Variants in CRADD observed in about 807,000 individuals in gnomAD.
CRADD encodes the protein death domain-containing protein CRADD.
CRADD carries 9 observed loss-of-function variants against 15.5 expected under a neutral mutation model. The observed-to-expected ratio is 0.58, with a 90% confidence interval of 0.35 to 1.01. The LOEUF (loss-of-function observed/expected upper bound fraction) is 1.01. CRADD is among the 50% of genes least tolerant of loss of function. The pLI is 0.02. For synonymous variants in CRADD, 118 were observed against 107.6 expected (o/e 1.10, Z -0.60); for missense variants, 227 against 250.3 (o/e 0.91, Z 0.63).
intron 2 of CRADD, among the ~76,000 whole-genome samples, chr12:93,839,202 T>C (rs573899549): frequency 6.6e-6 from 1 of 152,320 alleles, no homozygotes; most frequent in Admixed American, 6.5e-5. Context: ...TGTATTTCTA[T>C]ATCTCTTCCC....
intron 2 of CRADD, among the ~76,000 whole-genome samples, chr12:93,697,335 C>T (rs764491461): frequency 2.5e-4 from 38 of 152,298 alleles, no homozygotes; most frequent in South Asian, 8.3e-4. Context: ...CATTCTGCTG[C>T]GGGAGGACAC....
chr12:93,807,980 G>GAAAAAAAA (rs1957561294), intron 2 of CRADD, among the ~76,000 whole-genome samples: 1 of 12,322 alleles, frequency 8.1e-5, no homozygotes, highest in African/African-American at 2.8e-4. Flanking sequence ...TAAGTGTTAT[G>GAAAAAAAA]CAAAAAAAAA....
chr12:93,811,082 G>T lies in CRADD; in HGVS notation c.299-38888G>T, dbSNP rs558131337. 7.1e-4 allele frequency among the ~76,000 whole-genome samples: 108 copies of T among 152,236 alleles called. 2 individuals are homozygous for T. Among genetic ancestry groups the T allele is most frequent in the Admixed American group, 1.0e-3 (16 of 15,292 alleles). On this transcript the variant is annotated intron_variant, in intron 2 of 2. Transcript: ENST00000332896. ...CTCCTGGAACAGCCGGCTGCTGGTG[G>T]TCTAGTTTTTTGAAAGAAGCCCTGA...
chr12:93,847,202 A>G (rs1477589763), intron 2 of CRADD, among the ~76,000 whole-genome samples: 1 of 152,168 alleles, frequency 6.6e-6, no homozygotes, highest in Non-Finnish European at 1.5e-5. Flanking sequence ...TCAGACAGGA[A>G]AAGCAAGTTA....
chr12:93,763,723 A>C (rs895610765), intron 2 of CRADD, among the ~76,000 whole-genome samples: 1 of 152,098 alleles, frequency 6.6e-6, no homozygotes, highest in Non-Finnish European at 1.5e-5. Context: ...CAACATTTTT[A>C]TTAGTGTGCA....
chr12:93,877,034 C>T (rs1474290853), intron 2 of CRADD, among the ~76,000 whole-genome samples: 1 of 129,650 alleles, frequency 7.7e-6, no homozygotes, highest in Admixed American at 7.5e-5. Context: ...CTGGGCACCC[C>T]AAGCCCAGTA....
intron 2 of CRADD, among the ~76,000 whole-genome samples, chr12:93,818,058 C>T (rs929393754): frequency 7.2e-5 from 11 of 152,124 alleles, no homozygotes; most frequent in Middle Eastern, 3.4e-3. Context: ...AGATCAGGCT[C>T]GGAAAAGAGA....
At chr12:93,782,727 CTGTT>C (rs1183087259) in intron 2 of CRADD, among the ~76,000 whole-genome samples, 1 of 151,714 alleles carries the variant, frequency 6.6e-6, no homozygotes, top group Non-Finnish European at 1.5e-5. Flanking sequence ...AAAACATACT[CTGTT>C]TATTACATGT....
chr12:93,807,653 G>C (rs1957554942), intron 2 of CRADD, among the ~76,000 whole-genome samples: 1 of 152,104 alleles, frequency 6.6e-6, no homozygotes, highest in Non-Finnish European at 1.5e-5. Context: ...TCTATGAGAG[G>C]TAGAGATAAA....
intron 2 of CRADD, among the ~76,000 whole-genome samples, chr12:93,782,074 C>T (rs1035415148): frequency 2.0e-5 from 3 of 151,938 alleles, no homozygotes; most frequent in African/African-American, 7.3e-5. Flanking sequence ...TTCACAATAG[C>T]AAAGACTTGG....
intron 2 of CRADD, among the ~76,000 whole-genome samples, chr12:93,875,987 A>T (rs930845884): frequency 1.1e-4 from 17 of 152,136 alleles, no homozygotes; most frequent in African/African-American, 4.1e-4. Context: ...CTTATAGGAC[A>T]GGTCTGGTGT....
At chr12:93,827,022 G>A (rs1957831421) in intron 2 of CRADD, among the ~76,000 whole-genome samples, 1 of 152,094 alleles carries the variant, frequency 6.6e-6, no homozygotes, top group South Asian at 2.1e-4. Context: ...TGGGGCCAGG[G>A]ACAAGAAGGG....
chr12:93,731,143 G>C (rs1446279582), intron 2 of CRADD, among the ~76,000 whole-genome samples: 1 of 152,184 alleles, frequency 6.6e-6, no homozygotes, highest in African/African-American at 2.4e-5. Flanking sequence ...AAAAAGTCTG[G>C]GGAGGCTGTG....
At chr12:93,852,034 T>G (rs1958228592), downstream of CRADD, among the ~76,000 whole-genome samples, 1 of 152,218 alleles carries the variant, frequency 6.6e-6, no homozygotes, top group Non-Finnish European at 1.5e-5. Context: ...CAGTTCAAAT[T>G]TTTCATTTTG....
intron 2 of CRADD, among the ~76,000 whole-genome samples, chr12:93,807,390 G>A (rs1957551323): frequency 6.6e-6 from 1 of 152,104 alleles, no homozygotes; most frequent in South Asian, 2.1e-4. Flanking sequence ...TCTGGTAGAG[G>A]TAGAGGAGCT....
intron 2 of CRADD, among the ~76,000 whole-genome samples, chr12:93,855,942 C>T (rs929330111): frequency 2.0e-5 from 3 of 152,166 alleles, no homozygotes; most frequent in African/African-American, 4.8e-5. Flanking sequence ...CTCAGCCTCC[C>T]GACTACAGGT....
At chr12:93,690,602 T>G (rs1338894089) in intron 2 of CRADD, among the ~76,000 whole-genome samples, 1 of 152,248 alleles carries the variant, frequency 6.6e-6, no homozygotes, top group East Asian at 1.9e-4. Flanking sequence ...TAAACTCACT[T>G]TATTATCATA....
At chr12:93,894,494 T>C (rs780925372) in exon 3 of CRADD, 3 of 209,492 alleles carry the variant, frequency 1.4e-5, no homozygotes, top group Non-Finnish European at 3.0e-5. Flanking sequence ...GCTTGGCCTC[T>C]CTCCTGTGGC....
rs77595720 is a variant in CRADD at position 93,786,793 on chromosome 12, A to G, written c.299-63177A>G. ...CGAGACATCATTTTCTCCTTAGGAC[A>G]AAAGTCTAGTGAGTAATGGCCCTTC... On this transcript the variant is annotated intron_variant, in intron 2 of 2. Transcript: ENST00000332896. Among the ~76,000 whole-genome samples the G allele has an allele frequency of 9.4e-4, 143 of 152,304 alleles. 1 individual carries two copies. Among genetic ancestry groups the G allele is most frequent in the African/African-American group, 3.4e-3 (140 of 41,566 alleles).
Sources: allele counts gnomAD v4.1 joint callset (sites outside exome capture counted in the v4.1 genomes callset), GRCh38; gene constraint gnomAD v4.1.1; transcripts MANE v1.5; gene names NCBI Gene and HGNC (gene_info 2026-07-23, HGNC 2026-07-21).